Variants in GGNBP2 observed in about 807,000 individuals in gnomAD.
GGNBP2 encodes gametogenetin-binding protein 2.
GGNBP2 carries 10 observed loss-of-function variants against 85.9 expected under a neutral mutation model. That is an observed-to-expected ratio of 0.12 (90% CI 0.07 to 0.20). GGNBP2 has a LOEUF of 0.20. Ranked by LOEUF, GGNBP2 falls within the 10% of genes least tolerant of loss-of-function variation. The pLI is 1.00. For synonymous variants in GGNBP2, 287 were observed against 285.7 expected (o/e 1.00, Z -0.05); for missense variants, 595 against 857.8 (o/e 0.69, Z 3.83).
In GGNBP2 at chr17:36,586,210, A is replaced by T. The variant is rs1051548815; in HGVS notation, c.1641+12A>T. The T allele has an allele frequency of 1.2e-6, 2 of 1,608,098 alleles. No individual in the cohort carries two copies. The highest frequency in any genetic ancestry group is 2.7e-5 in the African/African-American group (2 of 74,804). On this transcript the variant is annotated intron_variant, in intron 12 of 13. Transcript: ENST00000613102. The stretch of plus-strand genomic sequence containing the variant: ...AATGTGATGAACATGTAAGTGTCAT[A>T]ACTTGTAATTCTTAAACCTTTGCTG...
At position 36,560,850 on chromosome 17, in the gene GGNBP2, C is replaced by T. The variant is rs764401780; in HGVS notation, c.506C>T (p.Thr169Met). ...NKRCQLHSLD[T>M]HKPKPLGGCW... ...AGATGTCAGTTGCACTCCTTAGATA[C>T]GCACAAGCCAAAACCTTTGGGGTAA... is the stretch of plus-strand genomic sequence containing the variant. Residue 169 changes from threonine to methionine, a missense_variant, in exon 5 of 14, where the codon ACG becomes ATG. By Grantham distance (81) the Thr-to-Met change is moderately conservative. Transcript: ENST00000613102. 3 of 1,594,068 alleles carry T rather than the reference C, an allele frequency of 1.9e-6. No individual in the cohort carries two copies. The highest frequency in any genetic ancestry group is 2.6e-6 in the Non-Finnish European group (3 of 1,167,682).
chr17:36,557,422 G>C, intron 4 of GGNBP2, 86 bp downstream of exon 4: 1 of 1,087,606 alleles, frequency 9.2e-7, no homozygotes, highest in Non-Finnish European at 1.4e-6. Flanking sequence ...TTGATGGAAA[G>C]ATTGAGTCTG....
At chr17:36,555,781 A>C (rs1288633174) in intron 3 of GGNBP2, among the ~76,000 whole-genome samples, 1 of 152,228 alleles carries the variant, frequency 6.6e-6, no homozygotes, top group Admixed American at 6.5e-5. Context: ...TATAGTACCT[A>C]ATACAATGTA....
chr17:36,547,471 G>A (rs922658133), intron 2 of GGNBP2: 20 of 152,136 alleles, frequency 1.3e-4, no homozygotes, highest in African/African-American at 4.8e-4. Flanking sequence ...GTCTTCAAAA[G>A]ACACTAGTTC....
intron 2 of GGNBP2, among the ~76,000 whole-genome samples, chr17:36,551,495 G>T (rs114632304): frequency 0.071 from 10,810 of 151,720 alleles, 653 homozygotes; most frequent in African/African-American, 0.16. Context: ...TGAGCCACCG[G>T]CTTCTTTATT....
chr17:36,578,246 A>G (rs79146532), intron 7 of GGNBP2, 60 bp downstream of exon 7: 30,317 of 1,287,318 alleles, frequency 0.024, 460 homozygotes, highest in Middle Eastern at 0.048. Context: ...TTTATTACTG[A>G]AAGTTTATTT....
At chr17:36,581,012 C>T (rs1254841609) in intron 8 of GGNBP2, among the ~76,000 whole-genome samples, 3 of 149,506 alleles carry the variant, frequency 2.0e-5, no homozygotes, top group Non-Finnish European at 3.0e-5. Context: ...GGACCGGGCA[C>T]GGTGGCTCAC....
At position 36,545,098 on chromosome 17, in the gene GGNBP2, G is replaced by A. The variant is rs2074235736; in HGVS notation, c.-107+1G>A. 6.5e-6 allele frequency: 1 copy of A among 152,960 alleles called. No homozygotes were observed. Among genetic ancestry groups the A allele is most frequent in the South Asian group, 2.0e-4 (1 of 4,982 alleles). 9.5% of individuals were successfully genotyped at this position (152,960 alleles called of 1,614,324 possible). The stretch of plus-strand genomic sequence containing the variant: ...GAACCGACAGCCTCCTCCGAGAAGG[G>A]TGAGGAAAGGGTCTGAGCCTCCCCG... On this transcript the variant is annotated splice_donor_variant, in intron 1 of 13. Coordinates refer to ENST00000613102, the MANE Select transcript of GGNBP2 (RefSeq NM_024835.5). LOFTEE classifies it low-confidence loss of function (5UTR_SPLICE).
chr17:36,556,888 A>C (rs1419084275), intron 3 of GGNBP2, among the ~76,000 whole-genome samples, 195 bp from the exon 4 acceptor site: 3 of 150,788 alleles, frequency 2.0e-5, no homozygotes, highest in African/African-American at 7.3e-5. Context: ...ATTCTAGAGC[A>C]AGGGGGTTTG....
At chr17:36,571,033 T>TA (rs1424521765) in intron 6 of GGNBP2, among the ~76,000 whole-genome samples, 17 of 152,070 alleles carry the variant, frequency 1.1e-4, no homozygotes, top group African/African-American at 3.9e-4. Flanking sequence ...AGAAAAGTAT[T>TA]ACGGTAGAAC....
At chr17:36,575,633 TATA>T (rs2074570456) in intron 6 of GGNBP2, among the ~76,000 whole-genome samples, 2 of 48,206 alleles carry the variant, frequency 4.1e-5, no homozygotes, top group Admixed American at 1.8e-4. Flanking sequence ...TATATATATA[TATA>T]TATATATATA....
intron 9 of GGNBP2, among the ~76,000 whole-genome samples, chr17:36,583,000 A>G (rs1231746524): frequency 1.3e-5 from 2 of 152,192 alleles, no homozygotes; most frequent in Non-Finnish European, 2.9e-5. Flanking sequence ...GAATGGTATT[A>G]TACTATATAT....
intron 4 of GGNBP2, among the ~76,000 whole-genome samples, chr17:36,557,683 G>A (rs1216625820): frequency 6.6e-6 from 1 of 152,134 alleles, no homozygotes; most frequent in African/African-American, 2.4e-5. Flanking sequence ...GTAGAAAACT[G>A]GGGGGAAGGC....
chr17:36,551,569 C>T (rs1313164610), intron 2 of GGNBP2, among the ~76,000 whole-genome samples: 4 of 151,662 alleles, frequency 2.6e-5, no homozygotes, highest in African/African-American at 7.3e-5. Flanking sequence ...TTAGGCTGGG[C>T]GCGGTGGCTC....
chr17:36,561,156 C>T (rs766495589), intron 5 of GGNBP2, among the ~76,000 whole-genome samples: 1 of 151,716 alleles, frequency 6.6e-6, no homozygotes, highest in Non-Finnish European at 1.5e-5. Context: ...CGGAGTCTCC[C>T]TTTATTTCCC....
intron 13 of GGNBP2, among the ~76,000 whole-genome samples, chr17:36,588,356 C>T (rs576231077): frequency 6.6e-6 from 1 of 152,032 alleles, no homozygotes; most frequent in Non-Finnish European, 1.5e-5. Context: ...CTCCCAGGTT[C>T]AAGCGATTCT....
intron 9 of GGNBP2, among the ~76,000 whole-genome samples, chr17:36,584,219 C>T (rs963494119): frequency 1.2e-4 from 18 of 152,220 alleles, no homozygotes; most frequent in Non-Finnish European, 2.2e-4. Flanking sequence ...CTCATTTATT[C>T]GTTCAAGTGA....
intron 6 of GGNBP2, 93 bp downstream of exon 6, chr17:36,567,869 C>T: frequency 1.6e-6 from 1 of 615,504 alleles, no homozygotes; most frequent in South Asian, 2.2e-5. Context: ...TGTATAATAG[C>T]ATTCTAGCCT....
intron 8 of GGNBP2, 49 bp from the exon 9 acceptor site, chr17:36,581,291 AAAAG>A (rs1288192152): frequency 6.2e-6 from 8 of 1,285,350 alleles, no homozygotes; most frequent in African/African-American, 3.0e-5. Context: ...TCTCAAAAAA[AAAAG>A]AAAAGAAGTT....
Sources: allele counts gnomAD v4.1 joint callset (sites outside exome capture counted in the v4.1 genomes callset), GRCh38; gene constraint gnomAD v4.1.1; transcripts MANE v1.5; gene names NCBI Gene and HGNC (gene_info 2026-07-23, HGNC 2026-07-21).